Variants in ABCA7 observed in about 807,000 individuals in gnomAD.
ABCA7 encodes the protein ATP binding cassette subfamily A member 7, also known as phospholipid-transporting ATPase ABCA7.
ABCA7 carries 261 observed loss-of-function variants against 227.6 expected under a neutral mutation model. The observed-to-expected ratio is 1.15, with a 90% CI of 1.04 to 1.27. ABCA7 has a LOEUF of 1.27. Ranked by LOEUF, ABCA7 falls within the 50% of genes most tolerant of loss-of-function variation. The pLI is 0.00. For synonymous variants in ABCA7, 1,488 were observed against 1,279.7 expected, an observed-to-expected ratio of 1.16 and a Z score of -3.47; for missense variants, 3,331 against 2,924.5, an observed-to-expected ratio of 1.14 and a Z score of -3.21.
chr19:1,063,763 G>A lies in ABCA7; in HGVS notation c.5851G>A (p.Glu1951Lys), dbSNP rs913754678. 7.8e-6 allele frequency: 12 copies of A among 1,547,096 alleles called. No homozygotes were observed. The African/African-American group carries it at 9.6e-5, about 12-fold the overall frequency. ...VGDPAVVFLD[E>K]PTTGMDPSAR... Reference sequence around the variant, plus strand: ...TGGGATCTTCCGTGCTCCCCAGGACGAGCCGACCACAGGCATGGACCCCAG... The same window carrying A: ...TGGGATCTTCCGTGCTCCCCAGGACAAGCCGACCACAGGCATGGACCCCAG... Residue 1951 changes from glutamate to lysine, a missense_variant, in exon 44 of 47, where the codon GAG becomes AAG. Coordinates refer to ENST00000263094, the MANE Select transcript of ABCA7 (RefSeq NM_019112.4).
At position 1,048,972 on chromosome 19, in the gene ABCA7, C is replaced by G. The variant is rs1339901998; in HGVS notation, c.2347C>G (p.Pro783Ala). 7.5e-6 allele frequency: 12 copies of G among 1,607,226 alleles called. No individual in the cohort carries two copies. The highest frequency in any genetic ancestry group is 2.7e-5 in the African/African-American group (2 of 74,694). Residue 783 changes from proline (P) to alanine (A), a missense_variant, in exon 17 of 47, where the codon CCA (proline) becomes GCA (alanine). Physicochemically the swap from Pro to Ala is conservative, Grantham distance 27. Transcript: ENST00000263094. Reference protein sequence around the residue: ...YWCGPRPPKSPAPCPTPLDPK... With the variant: ...YWCGPRPPKSAAPCPTPLDPK... ...GTGCGGACCTCGGCCCCCCAAGAGTCCAGCCCCTTGCCCCACCCCGCTGGA... is the reference window on the plus strand; with the variant it reads ...GTGCGGACCTCGGCCCCCCAAGAGTGCAGCCCCTTGCCCCACCCCGCTGGA...
rs1415232123 is a variant in ABCA7 at position 1,047,255 on chromosome 19, C to A, written c.1944C>A (p.Ala648=). ...TGACCCAGAGCTTCCTGCTCAGCGC[C>A]TTCTTCTCCCGCGCCAACCTGGCTG... ...ATVTQSFLLS[A]FFSRANLAAA... The change falls in exon 15 of 47, where the codon GCC becomes GCA. Residue 648 remains alanine (A), a synonymous_variant. Coordinates refer to ENST00000263094, the MANE Select transcript of ABCA7 (RefSeq NM_019112.4). 1 of 1,607,568 alleles carries A rather than the reference C, an allele frequency of 6.2e-7. No homozygotes were observed. Among genetic ancestry groups the A allele is most frequent in the East Asian group, 2.2e-5 (1 of 44,840 alleles).
At chr19:1,042,651 G>T (rs559425108) in intron 6 of ABCA7, 95 bp from the exon 7 acceptor site, 133 of 1,286,050 alleles carry the variant, frequency 1.0e-4, no homozygotes, top group Non-Finnish European at 1.4e-4. Context: ...TAAAGTGGGG[G>T]CTATGATAGT....
chr19:1,062,083 G>A, intron 41 of ABCA7, 89 bp from the exon 42 acceptor site: 1 of 1,554,948 alleles, frequency 6.4e-7, no homozygotes. Context: ...GCGTGGCCCT[G>A]GATGGGTGGG....
At chr19:1,049,215 G>A (rs1038777896) in intron 17 of ABCA7, 51 bp from the exon 18 acceptor site, 1 of 1,538,464 alleles carries the variant, frequency 6.5e-7, no homozygotes, top group Non-Finnish European at 8.8e-7. Context: ...GGGACTTGCA[G>A]GCCCCAGGAC....
In ABCA7 at chr19:1,055,219, A is replaced by T. The variant is rs2042140293; in HGVS notation, c.4073A>T (p.Asp1358Val). 6.2e-7 allele frequency: 1 copy of T among 1,608,152 alleles called. No individual in the cohort carries two copies. The highest frequency in any genetic ancestry group is 1.7e-4 in the Middle Eastern group (1 of 6,040). The change falls in exon 30 of 47, where the codon GAC (aspartate) becomes GTC (valine). Residue 1358 changes from aspartate (D) to valine (V), a missense_variant. Asp to Val is a radical substitution (Grantham distance 152). Coordinates refer to ENST00000263094, the MANE Select transcript of ABCA7 (RefSeq NM_019112.4). Reference sequence around the variant, plus strand: ...CCCGGTGCCCGGCGCCTGCTGCCCGACTGCCCGGCTGCAGCTGGTGGTCCC... The same window carrying T: ...CCCGGTGCCCGGCGCCTGCTGCCCGTCTGCCCGGCTGCAGCTGGTGGTCCC... ...SRPGARRLLP[D>V]CPAAAGGPPP...
intron 10 of ABCA7, 86 bp from the exon 11 acceptor site, chr19:1,044,491 A>G: frequency 6.7e-7 from 1 of 1,483,328 alleles, no homozygotes; most frequent in Non-Finnish European, 9.1e-7. Flanking sequence ...CAGGTGATCC[A>G]CCCGCCTCGC....
rs762638418 is a variant in ABCA7, at chr19:1,045,028, G to C, written c.1242G>C (p.Ala414=). ...GCCTGTCCTTGGACAAGCTGGAGGC[G>C]GCACCCTCAGAGGCAGCCCTGGTGT... The part of the protein sequence containing the change: ...TECLSLDKLE[A]APSEAALVSR... The change falls in exon 12 of 47, where the codon GCG becomes GCC. Residue 414 remains alanine (A), a synonymous_variant. Coordinates refer to ENST00000263094, the MANE Select transcript of ABCA7 (RefSeq NM_019112.4). 1 of 1,612,706 alleles carries C rather than the reference G, an allele frequency of 6.2e-7. No individual in the cohort carries two copies. The highest frequency in any genetic ancestry group is 8.5e-7 in the Non-Finnish European group (1 of 1,179,950).
intron 42 of ABCA7, among the ~76,000 whole-genome samples, chr19:1,063,135 G>C: frequency 1.5e-5 from 1 of 65,438 alleles, no homozygotes; most frequent in South Asian, 6.0e-4. Flanking sequence ...GGCTCCACCA[G>C]TGTGGCCCCG....
chr19:1,040,552 G>A (rs1261265571), intron 1 of ABCA7, among the ~76,000 whole-genome samples: 2 of 152,160 alleles, frequency 1.3e-5, no homozygotes, highest in Admixed American at 1.3e-4. Flanking sequence ...TCCCAGTTCC[G>A]GCCTGGTCAC....
intron 24 of ABCA7, 107 bp from the exon 25 acceptor site, chr19:1,053,681 C>T: frequency 6.5e-7 from 1 of 1,533,230 alleles, no homozygotes; most frequent in Admixed American, 1.8e-5. Flanking sequence ...CTCAGATGTC[C>T]CTTGGGAAGG....
chr19:1,042,973 A>C lies in ABCA7; in HGVS notation c.580-68A>C, dbSNP rs2040211318. On this transcript the variant is annotated intron_variant, in intron 7 of 46. Coordinates refer to ENST00000263094, the MANE Select transcript of ABCA7 (RefSeq NM_019112.4). ...GAGAGGGAGAGGCTGCCCCTGGCCC[A>C]GTGCCCTGCCCTGGTTAGGGCTTGG... 9 of 1,533,902 alleles carry C rather than the reference A, an allele frequency of 5.9e-6. 1 individual carries two copies. Among genetic ancestry groups the C allele is most frequent in the Non-Finnish European group, 7.9e-6 (9 of 1,136,684 alleles).
At chr19:1,041,764 G>C in intron 3 of ABCA7, 67 bp from the exon 4 acceptor site, 1 of 1,591,444 alleles carries the variant, frequency 6.3e-7, no homozygotes, top group Non-Finnish European at 8.5e-7. Flanking sequence ...AAGCGGTGCC[G>C]GGCGACCCGA....
intron 17 of ABCA7, 57 bp from the exon 18 acceptor site, chr19:1,049,209 C>T: frequency 1.3e-6 from 2 of 1,533,034 alleles, no homozygotes; most frequent in East Asian, 2.3e-5. Context: ...CTCTGAGGGA[C>T]TTGCAGGCCC....
At chr19:1,051,750 G>A (rs1023466174) in intron 21 of ABCA7, among the ~76,000 whole-genome samples, 164 bp downstream of exon 21, 2 of 152,136 alleles carry the variant, frequency 1.3e-5, no homozygotes, top group Non-Finnish European at 2.9e-5. Flanking sequence ...TAAGAGTTGG[G>A]GATAGACAGA....
intron 35 of ABCA7, 138 bp from the exon 36 acceptor site, chr19:1,057,777 G>GAAA: frequency 1.9e-4 from 190 of 980,000 alleles, no homozygotes; most frequent in African/African-American, 2.6e-4. Context: ...AAGAGAGAAA[G>GAAA]AAAAAAAAAA....
In ABCA7 at chr19:1,056,004, CT is replaced by C; in HGVS notation, c.4239-61del. ...CACTCCCATGCCCTCTGCCTGCCCC[CT>C]GGGAGCTCTCCCGGCCCCCCCGGCC... On this transcript the variant is annotated intron_variant, in intron 31 of 46. Transcript: ENST00000263094. This position sits in a 1 kb window ranked among gnomAD's most constrained non-coding sequence, Gnocchi z 4.3. 3.2e-6 allele frequency: 5 copies of C among 1,542,688 alleles called. No homozygotes were observed. The highest frequency in any genetic ancestry group is 2.4e-5 in the South Asian group (2 of 83,092).
intron 16 of ABCA7, among the ~76,000 whole-genome samples, chr19:1,048,503 A>G (rs1388326430): frequency 7.7e-6 from 1 of 129,244 alleles, no homozygotes; most frequent in Non-Finnish European, 1.6e-5. Context: ...TCTCAAAAAA[A>G]AAAAAACAAA....
chr19:1,064,737 TGG>T (rs762433602), intron 45 of ABCA7, 192 bp from the exon 46 acceptor site: 3 of 894,158 alleles, frequency 3.4e-6, no homozygotes, highest in Non-Finnish European at 4.6e-6. Flanking sequence ...AAAAATTAGC[TGG>T]ACATGGTGGT....
Sources: allele counts gnomAD v4.1 joint callset (sites outside exome capture counted in the v4.1 genomes callset), GRCh38; gene constraint gnomAD v4.1.1; non-coding constraint Gnocchi (gnomAD v3.1); transcripts MANE v1.5; gene names NCBI Gene and HGNC (gene_info 2026-07-23, HGNC 2026-07-21).